Variants in NOD1 observed in about 807,000 individuals in gnomAD.
NOD1 encodes nucleotide-binding oligomerization domain-containing protein 1.
A neutral mutation model predicts 81.2 loss-of-function variants in NOD1; 70 were observed. That is an observed-to-expected ratio of 0.86 (90% CI 0.71 to 1.05). NOD1 has a LOEUF of 1.05. NOD1 is among the 50% of genes least tolerant of loss of function. The pLI is 0.00. For missense variants in NOD1, 1,233 were observed against 1,228.0 expected, an observed-to-expected ratio of 1.00 and a Z score of -0.06; for synonymous variants, 508 against 526.9, an observed-to-expected ratio of 0.96 and a Z score of 0.49.
At chr7:30,433,628 C>A (rs1048349953) in intron 11 of NOD1, among the ~76,000 whole-genome samples, 1 of 152,158 alleles carries the variant, frequency 6.6e-6, no homozygotes, top group African/African-American at 2.4e-5. Context: ...GTACTTTGCT[C>A]TCAGTTAACT....
At chr7:30,453,088 C>T in intron 5 of NOD1, 48 bp from the exon 6 acceptor site, 1 of 1,550,404 alleles carries the variant, frequency 6.4e-7, no homozygotes, top group East Asian at 2.3e-5. Flanking sequence ...AGGAGAGAGG[C>T]AGAAACAGCA....
intron 13 of NOD1, among the ~76,000 whole-genome samples, chr7:30,427,533 TCA>T (rs1783559456): frequency 6.6e-6 from 1 of 152,070 alleles, no homozygotes; most frequent in Admixed American, 6.6e-5. Context: ...TCCCATGAAG[TCA>T]CACACAGAGG....
At chr7:30,434,762 G>A (rs1784243145) in intron 11 of NOD1, among the ~76,000 whole-genome samples, 1 of 152,156 alleles carries the variant, frequency 6.6e-6, no homozygotes, top group Admixed American at 6.5e-5. Context: ...GATTTGTTGA[G>A]GGGAAAGAAT....
chr7:30,425,648 A>AGAG lies in NOD1; in HGVS notation c.2851_2852insCTC (p.Ile951delinsThrLeu), dbSNP rs1262294455. The AGAG allele has an allele frequency of 1.1e-5, 17 of 1,613,294 alleles. No individual in the cohort carries two copies. In the Admixed American group the frequency reaches 2.0e-4, roughly 19 times the overall value. ...CAGGAAAGCATCCTCTCAGAAACAGATAATCCGCTTCTCATCTTCATAGAC... is the reference window on the plus strand; with the variant it reads ...CAGGAAAGCATCCTCTCAGAAACAGAGAGTAATCCGCTTCTCATCTTCATAGAC... On this transcript the variant is annotated protein_altering_variant, in exon 14 of 14. Coordinates refer to ENST00000222823, the MANE Select transcript of NOD1 (RefSeq NM_006092.4).
At chr7:30,455,647 G>A (rs1786279745) in intron 4 of NOD1, among the ~76,000 whole-genome samples, 1 of 151,400 alleles carries the variant, frequency 6.6e-6, no homozygotes, top group South Asian at 2.1e-4. Context: ...AGGCTGGAGG[G>A]CTGGAGTGCA....
chr7:30,457,002 C>T lies in NOD1; in HGVS notation c.-81G>A. ...TCTCAGCAGAAGGGCAATCAGGATT[C>T]AGGCCGCGCCCTCCAGGGCCCCTGC... On this transcript the variant is annotated 5_prime_UTR_variant, in exon 4 of 14. Coordinates refer to ENST00000222823, the MANE Select transcript of NOD1 (RefSeq NM_006092.4). The T allele has an allele frequency of 8.3e-7, 1 of 1,207,346 alleles. No individual in the cohort carries two copies. The allele number at this position is 1,207,346 out of a possible 1,614,324, so 74.8% of individuals were successfully genotyped here.
At chr7:30,438,217 G>C (rs1463697528) in intron 9 of NOD1, among the ~76,000 whole-genome samples, 2 of 152,214 alleles carry the variant, frequency 1.3e-5, no homozygotes, top group African/African-American at 2.4e-5. Flanking sequence ...CGGCCATCTT[G>C]GTGGACAGGT....
chr7:30,449,129 T>C (rs1785420341), intron 6 of NOD1, among the ~76,000 whole-genome samples: 1 of 152,228 alleles, frequency 6.6e-6, no homozygotes, highest in South Asian at 2.1e-4. Flanking sequence ...ACACAAGCCT[T>C]GGGCCCAATT....
chr7:30,446,107 G>T, intron 9 of NOD1, 34 bp downstream of exon 9: 3 of 1,528,092 alleles, frequency 2.0e-6, no homozygotes, highest in Non-Finnish European at 2.7e-6. Context: ...CACACAGCAG[G>T]TTGTACCACA....
chr7:30,426,454 C>G (rs1783463913), intron 13 of NOD1, among the ~76,000 whole-genome samples: 1 of 151,618 alleles, frequency 6.6e-6, no homozygotes, highest in South Asian at 2.1e-4. Flanking sequence ...ATGTCTTTGG[C>G]CGGCCATCTT....
At position 30,448,324 on chromosome 7, in the gene NOD1, G is replaced by C; in HGVS notation, c.2259C>G (p.Thr753=). 2 of 1,614,062 alleles carry C rather than the reference G, an allele frequency of 1.2e-6. No homozygotes were observed. The highest frequency in any genetic ancestry group is 1.1e-5 in the South Asian group (1 of 91,078). ...GGVKVLSEEL[T]KYKIVTYLGL... is the part of the protein sequence containing the mutation. Reference sequence around the variant, plus strand: ...CCAAATAGGTCACAATTTTGTATTTGGTCAGCTCTTCGCTTAGCACCTTTA... The same window carrying C: ...CCAAATAGGTCACAATTTTGTATTTCGTCAGCTCTTCGCTTAGCACCTTTA... Residue 753 remains threonine (T), a synonymous_variant, in exon 7 of 14, where the codon ACC becomes ACG. Coordinates refer to ENST00000222823, the MANE Select transcript of NOD1 (RefSeq NM_006092.4).
In NOD1 at chr7:30,452,104, G is replaced by A. The variant is rs1272081993; in HGVS notation, c.1313C>T (p.Pro438Leu). Residue 438 changes from proline to leucine, a missense_variant, in exon 6 of 14, where the codon CCC becomes CTC. Transcript: ENST00000222823. The part of the protein sequence containing the change: ...VTEVHLNRMQ[P>L]SSLVQRNTRS... ...TGTGTTCCGCTGCACCAGGCTGCTGGGCTGCATCCTGTTCAGATGGACCTC... is the reference window on the plus strand; with the variant it reads ...TGTGTTCCGCTGCACCAGGCTGCTGAGCTGCATCCTGTTCAGATGGACCTC... The A allele has an allele frequency of 1.1e-5, 17 of 1,613,766 alleles. No homozygotes were observed. The highest frequency in any genetic ancestry group is 2.7e-5 in the African/African-American group (2 of 74,928).
intron 1 of NOD1, among the ~76,000 whole-genome samples, chr7:30,476,370 T>C (rs73687876): frequency 0.013 from 2,018 of 152,314 alleles, 41 homozygotes; most frequent in African/African-American, 0.045. Context: ...CCATCCATGA[T>C]GCACAGAGCA....
chr7:30,426,912 C>T (rs908417650), intron 13 of NOD1, among the ~76,000 whole-genome samples: 1 of 152,220 alleles, frequency 6.6e-6, no homozygotes, highest in Admixed American at 6.5e-5. Context: ...CTCAGAGAGG[C>T]CTTCCCTGCA....
intron 2 of NOD1, 34 bp downstream of exon 2, chr7:30,459,867 T>G (rs1028288866): frequency 6.6e-6 from 1 of 152,664 alleles, no homozygotes; most frequent in Non-Finnish European, 1.5e-5. Flanking sequence ...TCCCGACCTT[T>G]GCCCGCCTAC....
At chr7:30,466,503 A>G (rs899400014) in intron 1 of NOD1, among the ~76,000 whole-genome samples, 1 of 152,102 alleles carries the variant, frequency 6.6e-6, no homozygotes, top group Admixed American at 6.5e-5. Flanking sequence ...ATCAACCTTG[A>G]TTGTTTGATA....
chr7:30,449,331 A>C (rs1452063365), intron 6 of NOD1, among the ~76,000 whole-genome samples: 4 of 152,208 alleles, frequency 2.6e-5, no homozygotes. Context: ...AGACATTCCC[A>C]ATATCTATAC....
At chr7:30,446,508 G>A (rs1785102161) in intron 8 of NOD1, 1 of 468,618 alleles carries the variant, frequency 2.1e-6, no homozygotes, top group Admixed American at 3.7e-5. Flanking sequence ...CAGCATCACT[G>A]ACTTCCCTCG....
intron 1 of NOD1, chr7:30,463,832 A>T (rs1558069): frequency 0.15 from 23,466 of 152,150 alleles, 2,067 homozygotes; most frequent in Admixed American, 0.23. Context: ...AAAAAAAAAA[A>T]TTAGAGGAAT....
Sources: gnomAD v4.1 joint callset for allele counts (sites outside exome capture counted in the v4.1 genomes callset) on GRCh38, gnomAD v4.1.1 for gene constraint, MANE v1.5 for transcripts, NCBI Gene and HGNC (gene_info 2026-07-23, HGNC 2026-07-21) for gene names.